Variants in KCNK13 observed in about 807,000 individuals in gnomAD.
KCNK13 encodes potassium channel subfamily K member 13.
Under a neutral mutation model 23.4 loss-of-function variants are expected in KCNK13, and 12 were observed. That is an observed-to-expected ratio of 0.51 (90% CI 0.33 to 0.83). The LOEUF is 0.83. KCNK13 is among the 40% of genes least tolerant of loss of function. The pLI, the probability that KCNK13 is intolerant of heterozygous loss-of-function variation, is 0.02. For synonymous variants in KCNK13, 231 were observed against 229.5 expected, an observed-to-expected ratio of 1.01 and a Z score of -0.06; for missense variants, 463 against 556.3, an observed-to-expected ratio of 0.83 and a Z score of 1.69.
intron 1 of KCNK13, among the ~76,000 whole-genome samples, chr14:90,169,174 G>C (rs893445310): frequency 6.6e-6 from 1 of 152,260 alleles, no homozygotes; most frequent in East Asian, 1.9e-4. Flanking sequence ...TTTAAATACT[G>C]CAAATAAAGA....
At chr14:90,148,019 C>T (rs762232543) in intron 1 of KCNK13, among the ~76,000 whole-genome samples, 3 of 152,010 alleles carry the variant, frequency 2.0e-5, no homozygotes, top group African/African-American at 4.8e-5. Context: ...AAGTATTAGC[C>T]GAGCGTGGTG....
In KCNK13 at chr14:90,128,965, A is replaced by G. The variant is rs149114073; in HGVS notation, c.335-55146A>G. ...TCCTGCGTCTTCCTCCCCGCCCCCT[A>G]AGAGGGACCACTACCCTGAACTGGG... On this transcript the variant is annotated intron_variant, in intron 1 of 1. Coordinates refer to ENST00000282146, the MANE Select transcript of KCNK13 (RefSeq NM_022054.4). Among the ~76,000 whole-genome samples, 70 of 152,232 alleles carry G rather than the reference A, an allele frequency of 4.6e-4. 1 individual carries two copies. The highest frequency in any genetic ancestry group is 1.5e-3 in the African/African-American group (62 of 41,540).
intron 1 of KCNK13, among the ~76,000 whole-genome samples, chr14:90,130,545 G>A (rs902374650): frequency 9.2e-5 from 14 of 151,360 alleles, no homozygotes; most frequent in Non-Finnish European, 1.8e-4. Context: ...GGGCACAGTC[G>A]CCCATGCCTG....
chr14:90,112,638 T>A (rs1050843367), intron 1 of KCNK13, among the ~76,000 whole-genome samples: 1 of 152,014 alleles, frequency 6.6e-6, no homozygotes, highest in African/African-American at 2.4e-5. Context: ...CTGCAAAAAA[T>A]TAAATGTGAT....
intron 1 of KCNK13, among the ~76,000 whole-genome samples, chr14:90,100,041 G>T (rs918406667): frequency 1.3e-5 from 2 of 152,134 alleles, no homozygotes; most frequent in Non-Finnish European, 2.9e-5. Flanking sequence ...GCTTGCTCCT[G>T]CCCTTCCCAT....
At chr14:90,161,450 G>A (rs1890252434) in intron 1 of KCNK13, among the ~76,000 whole-genome samples, 1 of 152,112 alleles carries the variant, frequency 6.6e-6, no homozygotes, top group Non-Finnish European at 1.5e-5. Context: ...AATTTTATAT[G>A]TATTTTACCA....
At chr14:90,078,041 G>A (rs750073060) in intron 1 of KCNK13, among the ~76,000 whole-genome samples, 7 of 152,148 alleles carry the variant, frequency 4.6e-5, no homozygotes, top group African/African-American at 7.2e-5. Context: ...ATAGAGACAC[G>A]CTATACTATT....
At chr14:90,087,235 C>T (rs1161265475) in intron 1 of KCNK13, among the ~76,000 whole-genome samples, 4 of 149,876 alleles carry the variant, frequency 2.7e-5, no homozygotes, top group Non-Finnish European at 5.9e-5. Context: ...ATCTGCCTGC[C>T]TCAGCCTTTC....
chr14:90,109,409 C>CTTTTTT (rs557644405), intron 1 of KCNK13, among the ~76,000 whole-genome samples: 1 of 123,332 alleles, frequency 8.1e-6, no homozygotes, highest in Non-Finnish European at 1.6e-5. Flanking sequence ...CTTTTCTTTC[C>CTTTTTT]TTTTTTTTTT....
chr14:90,088,905 C>G (rs1281619905), intron 1 of KCNK13, among the ~76,000 whole-genome samples: 2 of 152,154 alleles, frequency 1.3e-5, no homozygotes, highest in Non-Finnish European at 2.9e-5. Flanking sequence ...TCTTTGCTTG[C>G]CACCATCCAT....
chr14:90,165,892 A>C (rs1437655716), intron 1 of KCNK13, among the ~76,000 whole-genome samples: 1 of 152,228 alleles, frequency 6.6e-6, no homozygotes, highest in East Asian at 1.9e-4. Flanking sequence ...AGTGACTCTC[A>C]GGGAAATGAA....
intron 1 of KCNK13, among the ~76,000 whole-genome samples, chr14:90,075,698 C>T (rs1296340544): frequency 6.6e-6 from 1 of 152,176 alleles, no homozygotes; most frequent in Non-Finnish European, 1.5e-5. Context: ...CCAGGCTGGT[C>T]TTGAACTCCT....
At chr14:90,064,785 T>C (rs1888988982) in intron 1 of KCNK13, among the ~76,000 whole-genome samples, 1 of 152,250 alleles carries the variant, frequency 6.6e-6, no homozygotes, top group African/African-American at 2.4e-5. Context: ...TTATTTCTCA[T>C]TTGTAACATT....
In KCNK13 at chr14:90,180,592, C is replaced by A. The variant is rs553384222; in HGVS notation, c.335-3519C>A. ...CAGTCATCCATCAAACAGTAGATAA[C>A]CAAAAGTCATGATTATCCCTCCTTT... On this transcript the variant is annotated intron_variant, in intron 1 of 1. Transcript: ENST00000282146. Among the ~76,000 whole-genome samples the A allele has an allele frequency of 1.2e-3, 182 of 152,202 alleles. 1 individual carries two copies. The highest frequency in any genetic ancestry group is 4.3e-3 in the African/African-American group (178 of 41,526).
At chr14:90,065,698 G>A (rs1419437631) in intron 1 of KCNK13, among the ~76,000 whole-genome samples, 3 of 152,204 alleles carry the variant, frequency 2.0e-5, no homozygotes, top group East Asian at 1.9e-4. Context: ...AAAGGAGCAC[G>A]GGGATGTAAT....
chr14:90,177,558 A>T (rs757096584), intron 1 of KCNK13, among the ~76,000 whole-genome samples: 7 of 152,182 alleles, frequency 4.6e-5, no homozygotes, highest in African/African-American at 7.2e-5. Flanking sequence ...CGGAGTATGC[A>T]TGTAACTTGG....
intron 1 of KCNK13, among the ~76,000 whole-genome samples, chr14:90,158,621 G>C (rs1347691597): frequency 6.6e-6 from 1 of 152,226 alleles, no homozygotes; most frequent in African/African-American, 2.4e-5. Flanking sequence ...TTCAAAGAAG[G>C]CTTCCTGGGG....
intron 1 of KCNK13, among the ~76,000 whole-genome samples, chr14:90,128,987 TGG>T (rs1889836127): frequency 6.6e-6 from 1 of 152,184 alleles, no homozygotes; most frequent in Non-Finnish European, 1.5e-5. Context: ...TACCCTGAAC[TGG>T]GTAATTATCA....
intron 1 of KCNK13, among the ~76,000 whole-genome samples, chr14:90,134,683 C>T (rs1005357900): frequency 2.0e-5 from 3 of 152,146 alleles, no homozygotes; most frequent in African/African-American, 7.2e-5. Flanking sequence ...CTCATTTAAT[C>T]CTCATACTAT....
Sources: gnomAD v4.1 joint callset for allele counts (sites outside exome capture counted in the v4.1 genomes callset) on GRCh38, gnomAD v4.1.1 for gene constraint, MANE v1.5 for transcripts, NCBI Gene and HGNC (gene_info 2026-07-23, HGNC 2026-07-21) for gene names.